CETP: variants seen among roughly 807,000 people sequenced by gnomAD.
The protein encoded by CETP is BPI fold containing family F.
In CETP, 56 loss-of-function variants were observed where a neutral mutation model predicts 66.5. That is an observed-to-expected ratio of 0.84 (90% CI 0.68 to 1.05). The LOEUF (loss-of-function observed/expected upper bound fraction) is 1.05. CETP is among the 50% of genes least tolerant of loss of function. The pLI, the probability that CETP is intolerant of heterozygous loss-of-function variation, is 0.00. For synonymous variants in CETP, 251 were observed against 245.7 expected (o/e 1.02, Z -0.20); for missense variants, 612 against 609.6 (o/e 1.00, Z -0.04).
intron 8 of CETP, 123 bp from the exon 9 acceptor site, chr16:56,973,208 C>T: frequency 9.7e-7 from 1 of 1,030,848 alleles, no homozygotes; most frequent in Non-Finnish European, 1.5e-6. Context: ...GGGTACAGCT[C>T]TTTCCTCAGT....
At chr16:56,979,174 C>T (rs1220334981) in intron 11 of CETP, among the ~76,000 whole-genome samples, 1 of 152,132 alleles carries the variant, frequency 6.6e-6, no homozygotes, top group African/African-American at 2.4e-5. Context: ...GTTTATTACC[C>T]GAGTCCACAA....
At chr16:56,963,877 C>A (rs1226397005) in intron 2 of CETP, among the ~76,000 whole-genome samples, 1 of 152,146 alleles carries the variant, frequency 6.6e-6, no homozygotes, top group Non-Finnish European at 1.5e-5. Context: ...TCATGTTGGC[C>A]AGACTGGTCT....
intron 7 of CETP, 117 bp from the exon 8 acceptor site, chr16:56,971,875 C>A: frequency 1.1e-6 from 1 of 908,566 alleles, no homozygotes; most frequent in Non-Finnish European, 1.8e-6. Flanking sequence ...CCAGGTCCCA[C>A]TTTACAGAGG....
chr16:56,966,341 C>T (rs1274133254), intron 2 of CETP, among the ~76,000 whole-genome samples: 1 of 152,174 alleles, frequency 6.6e-6, no homozygotes. Flanking sequence ...TGGTATTCTC[C>T]CCTGCTTTCC....
intron 14 of CETP, 50 bp from the exon 15 acceptor site, chr16:56,983,276 C>T (rs572094742): frequency 1.6e-5 from 24 of 1,531,930 alleles, no homozygotes; most frequent in Middle Eastern, 1.7e-4. Flanking sequence ...AGCCTCGGGC[C>T]GGCCTTGCTC....
At chr16:56,973,037 A>G (rs1195124748) in intron 8 of CETP, among the ~76,000 whole-genome samples, 4 of 152,180 alleles carry the variant, frequency 2.6e-5, no homozygotes, top group Non-Finnish European at 5.9e-5. Context: ...TGGGAGCTGG[A>G]GGTCCGTGGT....
chr16:56,983,451 G>A (rs778426749), intron 15 of CETP, 40 bp downstream of exon 15: 15 of 1,607,262 alleles, frequency 9.3e-6, no homozygotes, highest in Admixed American at 1.7e-5. Context: ...TGTTCCTGGG[G>A]AGAGAGGCCC....
intron 8 of CETP, among the ~76,000 whole-genome samples, chr16:56,973,102 A>G (rs1434839477): frequency 6.6e-6 from 1 of 152,202 alleles, no homozygotes; most frequent in Non-Finnish European, 1.5e-5. Context: ...GAAGGCAGGA[A>G]CCACGTCTGT....
intron 11 of CETP, among the ~76,000 whole-genome samples, chr16:56,979,159 A>G (rs1597006070): frequency 6.6e-6 from 1 of 152,168 alleles, no homozygotes; most frequent in East Asian, 1.9e-4. Flanking sequence ...GCAGTGGACA[A>G]TGGTGTTTAT....
chr16:56,971,039 G>A lies in CETP; in HGVS notation c.534G>A (p.Gly178=), dbSNP rs34611098. 2,629 of 1,614,174 alleles carry A rather than the reference G, an allele frequency of 1.6e-3. 36 individuals are homozygous for A. In the East Asian group the frequency reaches 0.019, roughly 12 times the overall value. ...TGGTGCTTGCTGCCTTCAGGCCTGG[G>A]TGGATCAAGCAGCTGTTCACAAATT... The part of the protein sequence containing the change: ...LLHLQGEREP[G]WIKQLFTNFI... Residue 178 remains glycine (G), a synonymous_variant, in exon 6 of 16, where the codon GGG becomes GGA. Transcript: ENST00000200676.
intron 9 of CETP, among the ~76,000 whole-genome samples, chr16:56,973,726 A>T (rs2056130263): frequency 6.6e-6 from 1 of 152,256 alleles, no homozygotes; most frequent in South Asian, 2.1e-4. Flanking sequence ...CGAACCGCAG[A>T]CAAAACTCCT....
At chr16:56,975,880 T>G (rs2056146618) in intron 10 of CETP, among the ~76,000 whole-genome samples, 3 of 151,400 alleles carry the variant, frequency 2.0e-5, no homozygotes, top group Non-Finnish European at 1.5e-5. Context: ...CAACAGAACT[T>G]CCCCCCCACG....
At chr16:56,974,772 C>T (rs186780244) in intron 9 of CETP, among the ~76,000 whole-genome samples, 1 of 152,308 alleles carries the variant, frequency 6.6e-6, no homozygotes, top group African/African-American at 2.4e-5. Context: ...TACTCTTCAC[C>T]TATACTGTAC....
intron 2 of CETP, among the ~76,000 whole-genome samples, chr16:56,967,712 A>G (rs942659284): frequency 2.6e-5 from 4 of 151,974 alleles, no homozygotes; most frequent in Non-Finnish European, 5.9e-5. Flanking sequence ...CTGAAAGAGG[A>G]TTGGAGATTG....
At chr16:56,981,483 A>AGAATAGCAAATCTCAAGG (rs2056187506) in intron 12 of CETP, among the ~76,000 whole-genome samples, 164 bp from the exon 13 acceptor site, 1 of 152,254 alleles carries the variant, frequency 6.6e-6, no homozygotes, top group Non-Finnish European at 1.5e-5. Flanking sequence ...CCTGGCCGCC[A>AGAATAGCAAATCTCAAGG]GAATAGCAAA....
At chr16:56,982,360 C>T in intron 14 of CETP, 123 bp downstream of exon 14, 1 of 921,038 alleles carries the variant, frequency 1.1e-6, no homozygotes, top group African/African-American at 1.6e-5. Flanking sequence ...ACTTAGCGGT[C>T]CTGGCCCCCT....
chr16:56,983,804 C>T lies in CETP; in HGVS notation c.*138C>T, dbSNP rs1567477324. On this transcript the variant is annotated 3_prime_UTR_variant, in exon 16 of 16. Coordinates refer to ENST00000200676, the MANE Select transcript of CETP (RefSeq NM_000078.3). ...ATGGAGATTGGCTCCCAACTCCTCCCTATCCTAAAGGCCCACTGGCATTAA... is the reference window on the plus strand; with the variant it reads ...ATGGAGATTGGCTCCCAACTCCTCCTTATCCTAAAGGCCCACTGGCATTAA... 2.5e-6 allele frequency: 2 copies of T among 812,870 alleles called. No homozygotes were observed. 50.4% of individuals were successfully genotyped at this position (812,870 alleles called of 1,614,324 possible).
chr16:56,978,944 G>C (rs2056169394), intron 11 of CETP, among the ~76,000 whole-genome samples: 1 of 152,132 alleles, frequency 6.6e-6, no homozygotes, highest in African/African-American at 2.4e-5. Flanking sequence ...TCATGCCTCA[G>C]CCTCCCAGGT....
rs1000755129 is a variant in CETP at position 56,983,465 on chromosome 16, C to A, written c.1407+54C>A. The A allele has an allele frequency of 1.3e-5, 21 of 1,600,846 alleles. No individual in the cohort carries two copies. The African/African-American group carries it at 2.7e-4, about 20-fold the overall frequency. Reference sequence around the variant, plus strand: ...CTGTTCCTGGGGAGAGAGGCCCAGACAGGATTCCTGGGGTGACTGGGGGCT... The same window carrying A: ...CTGTTCCTGGGGAGAGAGGCCCAGAAAGGATTCCTGGGGTGACTGGGGGCT... On this transcript the variant is annotated intron_variant, in intron 15 of 15. Transcript: ENST00000200676.
Sources: gnomAD v4.1 joint callset for allele counts (sites outside exome capture counted in the v4.1 genomes callset) on GRCh38, gnomAD v4.1.1 for gene constraint, MANE v1.5 for transcripts, NCBI Gene and HGNC (gene_info 2026-07-23, HGNC 2026-07-21) for gene names.